Variants in IFFO1 observed in about 807,000 individuals in gnomAD.
IFFO1 encodes the protein non-homologous end joining factor IFFO1.
IFFO1 carries 42 observed loss-of-function variants against 59.6 expected under a neutral mutation model. The ratio of observed to expected loss-of-function variants is 0.70; its 90% CI spans 0.55 to 0.91. The LOEUF (loss-of-function observed/expected upper bound fraction) is 0.91. Ranked by LOEUF, IFFO1 falls within the 40% of genes least tolerant of loss-of-function variation. IFFO1 has a pLI of 0.00. For synonymous variants in IFFO1, 336 were observed against 342.8 expected, an observed-to-expected ratio of 0.98 and a Z score of 0.22; for missense variants, 711 against 793.2, an observed-to-expected ratio of 0.90 and a Z score of 1.24.
intron 1 of IFFO1, among the ~76,000 whole-genome samples, chr12:6,552,272 A>G (rs1947267035): frequency 1.3e-5 from 2 of 152,104 alleles, no homozygotes; most frequent in South Asian, 4.2e-4. Context: ...TATTCCTAAT[A>G]ATAACTCCTC....
At position 6,541,871 on chromosome 12, in the gene IFFO1, G is replaced by C. The variant is rs559656687; in HGVS notation, c.1480-229C>G. On this transcript the variant is annotated intron_variant, in intron 8 of 9. Coordinates refer to ENST00000619571, the MANE Select transcript of IFFO1 (RefSeq NM_001193457.2). The surrounding 1 kb of genome is among the most constrained non-coding windows in gnomAD (Gnocchi z 4.8). ...ATCTTTGCCTATGGAGGAATGCAAA[G>C]GTACTGCTGCAGGCTGTGTTCTTTT... Among the ~76,000 whole-genome samples, 5 of 152,236 alleles carry C rather than the reference G, an allele frequency of 3.3e-5. No homozygotes were observed. Among genetic ancestry groups the C allele is most frequent in the Admixed American group, 6.5e-5 (1 of 15,290 alleles).
In IFFO1 at chr12:6,548,522, T is replaced by A. The variant is rs752355771; in HGVS notation, c.1286A>T (p.Asp429Val). ...NQLREYDFEDDCDSLTWEETE... is the reference protein window; with the variant it reads ...NQLREYDFEDVCDSLTWEETE... ...CTCCTCCCAAGTCAGGCTGTCACAG[T>A]CGTCCTCAAAATCATACTCCCTCCT... Residue 429 changes from aspartate (D) to valine (V), a missense_variant, in exon 7 of 10, where the codon GAC becomes GTC. Physicochemically the swap from Asp to Val is radical, Grantham distance 152. This residue lies in a region of IFFO1 where 579 missense variants were observed against 650.3 expected (regional missense o/e 0.89). Transcript: ENST00000619571. This position sits in a 1 kb window ranked among gnomAD's most constrained non-coding sequence, Gnocchi z 6.1. 13 of 1,613,850 alleles carry A rather than the reference T, an allele frequency of 8.1e-6. No homozygotes were observed. The highest frequency in any genetic ancestry group is 9.3e-6 in the Non-Finnish European group (11 of 1,179,844).
At position 6,550,930 on chromosome 12, in the gene IFFO1, G is replaced by A. The variant is rs200021779; in HGVS notation, c.834+11C>T. The A allele has an allele frequency of 1.4e-4, 234 of 1,613,866 alleles. 5 individuals carry two copies. The South Asian group carries it at 2.3e-3, about 16-fold the overall frequency. On this transcript the variant is annotated intron_variant, in intron 2 of 9. Transcript: ENST00000619571. ...GGGAAGCACCAGCAGCAAGTGGGGCGCCACCCTCACCTCCTGGAGCTCATT... is the reference window on the plus strand; with the variant it reads ...GGGAAGCACCAGCAGCAAGTGGGGCACCACCCTCACCTCCTGGAGCTCATT...
intron 8 of IFFO1, among the ~76,000 whole-genome samples, chr12:6,546,837 C>A (rs913118500): frequency 2.6e-5 from 4 of 152,166 alleles, no homozygotes; most frequent in Non-Finnish European, 4.4e-5. Context: ...TGAGCTAAAG[C>A]ACCAGCTCCA....
chr12:6,548,238 A>G lies in IFFO1; in HGVS notation c.1384-78T>C. 1.0e-6 allele frequency: 1 copy of G among 984,932 alleles called. No homozygotes were observed. 61.0% of individuals were successfully genotyped at this position (984,932 alleles called of 1,614,324 possible). A position where few individuals can be genotyped will look rare whatever the true frequency, so the allele number is the denominator to read the frequency against. On this transcript the variant is annotated intron_variant, in intron 7 of 9. Coordinates refer to ENST00000619571, the MANE Select transcript of IFFO1 (RefSeq NM_001193457.2). This position sits in a 1 kb window ranked among gnomAD's most constrained non-coding sequence, Gnocchi z 6.1. ...CGCATTCCAAAGGGCCAAGTCAGGG[A>G]GAGAGAGAGAGAGGAAGTCTGGTTA...
rs1363175143 is a variant in IFFO1, at chr12:6,555,886, A to G, written c.144T>C (p.Pro48=). 7.6e-6 allele frequency: 12 copies of G among 1,587,354 alleles called. No homozygotes were observed. The highest frequency in any genetic ancestry group is 6.8e-5 in the East Asian group (3 of 43,870). Residue 48 remains proline, a synonymous_variant, in exon 1 of 10, where the codon CCT becomes CCC. Transcript: ENST00000619571. This position sits in a 1 kb window ranked among gnomAD's most constrained non-coding sequence, Gnocchi z 8.6. Reference sequence around the variant, plus strand: ...CCGGCCCGGGCGGCGAGTAGGCAGCAGGGCCGGCCGGCGAGAGAGGCGCCG... The same window carrying G: ...CCGGCCCGGGCGGCGAGTAGGCAGCGGGGCCGGCCGGCGAGAGAGGCGCCG... The part of the protein sequence containing the change: ...LPPAPLSPAG[P]AAYSPPGPGP...
Position 6,556,041 on chromosome 12 carries a change from C to G in IFFO1, c.-12G>C, listed in dbSNP as rs1399212700. On this transcript the variant is annotated 5_prime_UTR_variant, in exon 1 of 10. Coordinates refer to ENST00000619571, the MANE Select transcript of IFFO1 (RefSeq NM_001193457.2). ...AATAACGGATTCATGGCTGCGCCTT[C>G]TGCTGGGAGATGCAGACCGGTGCAG... The G allele has an allele frequency of 6.4e-7, 1 of 1,571,730 alleles. No homozygotes were observed. Among genetic ancestry groups the G allele is most frequent in the African/African-American group, 1.4e-5 (1 of 73,862 alleles).
At chr12:6,554,077 T>C (rs1947338358) in intron 1 of IFFO1, among the ~76,000 whole-genome samples, 1 of 147,104 alleles carries the variant, frequency 6.8e-6, no homozygotes, top group Non-Finnish European at 1.5e-5. Flanking sequence ...AATATTATCA[T>C]TTATGGGAAA....
At position 6,555,715 on chromosome 12, in the gene IFFO1, C is replaced by A. The variant is rs1947417183; in HGVS notation, c.315G>T (p.Leu105=). 3 of 1,612,486 alleles carry A rather than the reference C, an allele frequency of 1.9e-6. No homozygotes were observed. Among genetic ancestry groups the A allele is most frequent in the African/African-American group, 2.7e-5 (2 of 74,724 alleles). The stretch of plus-strand genomic sequence containing the variant: ...GCTTACCCTCCTCCAGCGCTTGCTG[C>A]AGTTGCTTCTCCAACAGCCGGTTCC... The part of the protein sequence containing the change: ...ERRNRLLEKQ[L]QQALEEGKQG... The change falls in exon 1 of 10, where the codon CTG becomes CTT. Residue 105 remains leucine (L), a synonymous_variant. Transcript: ENST00000619571. The surrounding 1 kb of genome is among the most constrained non-coding windows in gnomAD (Gnocchi z 8.6).
intron 8 of IFFO1, among the ~76,000 whole-genome samples, chr12:6,546,121 G>A (rs1565567366): frequency 6.6e-6 from 1 of 152,222 alleles, no homozygotes. Context: ...CCGCCACAGC[G>A]CACGCTAAGT....
intron 3 of IFFO1, chr12:6,550,289 C>T (rs1175634146): frequency 3.0e-6 from 1 of 334,364 alleles, no homozygotes; most frequent in Non-Finnish European, 5.6e-6. Context: ...AACACTCTTC[C>T]AGCTAACACT....
chr12:6,548,133 T>G lies in IFFO1; in HGVS notation c.1411A>C (p.Ile471Leu). 1.9e-6 allele frequency: 3 copies of G among 1,614,040 alleles called. No homozygotes were observed. The South Asian group carries it at 3.3e-5, about 18-fold the overall frequency. ...TTGAACAGGGACTCCGTATCTTTAA[T>G]CACCTTCTCCAGGCTATCTTCCTGC... ...EQQEDSLEKVIKDTESLFKTR... is the reference protein window; with the variant it reads ...EQQEDSLEKVLKDTESLFKTR... The change falls in exon 8 of 10, where the codon ATT becomes CTT. Residue 471 changes from isoleucine to leucine, a missense_variant. This residue lies in a region of IFFO1 where 579 missense variants were observed against 650.3 expected (regional missense o/e 0.89). Coordinates refer to ENST00000619571, the MANE Select transcript of IFFO1 (RefSeq NM_001193457.2). This position sits in a 1 kb window ranked among gnomAD's most constrained non-coding sequence, Gnocchi z 6.1.
At chr12:6,543,922 G>GC (rs1471836436) in intron 8 of IFFO1, 1 of 152,012 alleles carries the variant, frequency 6.6e-6, no homozygotes, top group African/African-American at 2.4e-5. Context: ...CCAAGATTGC[G>GC]CCATTGCACT....
At chr12:6,550,544 A>G (rs948540026) in intron 3 of IFFO1, 151 bp downstream of exon 3, 3 of 609,196 alleles carry the variant, frequency 4.9e-6, no homozygotes, top group Non-Finnish European at 8.8e-6. Context: ...CTTTCTCTGG[A>G]GTTAGGGGTG....
At position 6,540,349 on chromosome 12, in the gene IFFO1, G is replaced by GT; in HGVS notation, c.*133_*134insA. ...GCCAAGACTGAGGGAGAAAGCCTGA[G>GT]GGAGGAGCGCCCCAGTCCCCAGGGA... is the stretch of plus-strand genomic sequence containing the variant. On this transcript the variant is annotated 3_prime_UTR_variant, in exon 10 of 10. Transcript: ENST00000619571. The GT allele has an allele frequency of 1.3e-6, 1 of 744,774 alleles. No individual in the cohort carries two copies. The highest frequency in any genetic ancestry group is 2.1e-5 in the Admixed American group (1 of 48,250). 46.1% of individuals were successfully genotyped at this position (744,774 alleles called of 1,614,324 possible).
At position 6,555,233 on chromosome 12, in the gene IFFO1, C is replaced by T; in HGVS notation, c.773+24G>A. The T allele has an allele frequency of 6.2e-7, 1 of 1,611,596 alleles. No individual in the cohort carries two copies. The highest frequency in any genetic ancestry group is 8.5e-7 in the Non-Finnish European group (1 of 1,177,940). ...TGTGAGTGGTATGACACAGAGAGAC[C>T]TGTCCCCCTTTCCCAATCCCTACCT... On this transcript the variant is annotated intron_variant, in intron 1 of 9. Coordinates refer to ENST00000619571, the MANE Select transcript of IFFO1 (RefSeq NM_001193457.2). This position sits in a 1 kb window ranked among gnomAD's most constrained non-coding sequence, Gnocchi z 8.6.
Position 6,549,875 on chromosome 12 carries a change from T to C in IFFO1, c.952A>G (p.Lys318Glu), listed in dbSNP as rs1413824904. 1 of 1,614,084 alleles carries C rather than the reference T, an allele frequency of 6.2e-7. No individual in the cohort carries two copies. Among genetic ancestry groups the C allele is most frequent in the East Asian group, 2.2e-5 (1 of 44,884 alleles). ...MSNNLSELDT[K>E]IQEKAMKVDM... Reference sequence around the variant, plus strand: ...ACCTTCATGGCTTTCTCCTGGATCTTGGTGTCCAGCTCCGACAGGTTCTGT... The same window carrying C: ...ACCTTCATGGCTTTCTCCTGGATCTCGGTGTCCAGCTCCGACAGGTTCTGT... Residue 318 changes from lysine to glutamate, a missense_variant, in exon 4 of 10, where the codon AAG (lysine) becomes GAG (glutamate). Coordinates refer to ENST00000619571, the MANE Select transcript of IFFO1 (RefSeq NM_001193457.2). This position sits in a 1 kb window ranked among gnomAD's most constrained non-coding sequence, Gnocchi z 5.0.
intron 1 of IFFO1, chr12:6,551,441 G>C (rs1482893554): frequency 2.3e-6 from 3 of 1,296,722 alleles, no homozygotes; most frequent in Middle Eastern, 4.2e-4. Context: ...GCCCGCACCA[G>C]AACAGAGCTC....
chr12:6,555,867 C>G lies in IFFO1; in HGVS notation c.163G>C (p.Gly55Arg). 6.2e-7 allele frequency: 1 copy of G among 1,605,592 alleles called. No homozygotes were observed. The highest frequency in any genetic ancestry group is 8.5e-7 in the Non-Finnish European group (1 of 1,177,706). The change falls in exon 1 of 10, where the codon GGG becomes CGG. Residue 55 changes from glycine to arginine, a missense_variant. Coordinates refer to ENST00000619571, the MANE Select transcript of IFFO1 (RefSeq NM_001193457.2). The surrounding 1 kb of genome is among the most constrained non-coding windows in gnomAD (Gnocchi z 8.6). Reference protein sequence around the residue: ...PAGPAAYSPPGPGPAPPAAMA... With the variant: ...PAGPAAYSPPRPGPAPPAAMA... ...GCGGCAGGCGGGGCCGGGCCCGGCC[C>G]GGGCGGCGAGTAGGCAGCAGGGCCG...
Sources: gnomAD v4.1 joint callset for allele counts (sites outside exome capture counted in the v4.1 genomes callset) on GRCh38, gnomAD v4.1.1 for gene constraint, gnomAD v4.1.1 regional missense constraint, Gnocchi (gnomAD v3.1) non-coding constraint, MANE v1.5 for transcripts, NCBI Gene and HGNC (gene_info 2026-07-23, HGNC 2026-07-21) for gene names.